Variants in SEMA5B observed in about 807,000 individuals in gnomAD.
SEMA5B encodes semaphorin 5B.
Under a neutral mutation model 135.0 loss-of-function variants are expected in SEMA5B, and 66 were observed. The observed-to-expected ratio is 0.49, with a 90% confidence interval of 0.40 to 0.60. The LOEUF is 0.60. Ranked by LOEUF, SEMA5B falls within the 20% of genes least tolerant of loss-of-function variation. The pLI, the probability that SEMA5B is intolerant of heterozygous loss-of-function variation, is 0.00. For missense variants in SEMA5B, 1,501 were observed against 1,566.3 expected (o/e 0.96, Z 0.70); for synonymous variants, 690 against 639.5 (o/e 1.08, Z -1.19).
intron 2 of SEMA5B, among the ~76,000 whole-genome samples, chr3:122,952,857 G>A (rs954687879): frequency 6.6e-6 from 1 of 152,162 alleles, no homozygotes; most frequent in Non-Finnish European, 1.5e-5. Flanking sequence ...ACAGACCAGA[G>A]CTCGTCTGCT....
intron 6 of SEMA5B, 95 bp downstream of exon 6, chr3:122,928,900 CA>C (rs1303046485): frequency 8.2e-5 from 103 of 1,258,402 alleles, no homozygotes; most frequent in Non-Finnish European, 1.1e-4. Flanking sequence ...GCCTCTCTAG[CA>C]GGGGACCTCA....
Position 122,961,230 on chromosome 3 carries a change from G to A in SEMA5B, c.34C>T (p.His12Tyr), listed in dbSNP as rs1940564052. Residue 12 changes from histidine to tyrosine, a missense_variant, in exon 2 of 23, where the codon CAC (histidine) becomes TAC (tyrosine). Coordinates refer to ENST00000357599, the MANE Select transcript of SEMA5B (RefSeq NM_001031702.4). ...PCGFSPSPVA[H>Y]HLVPGPPDTP... The stretch of plus-strand genomic sequence containing the variant: ...TCAGGCGGCCCAGGGACGAGGTGGT[G>A]GGCAACAGGAGACGGACTGAAGCCA... 1.2e-6 allele frequency: 2 copies of A among 1,614,046 alleles called. No homozygotes were observed. Among genetic ancestry groups the A allele is most frequent in the Admixed American group, 1.7e-5 (1 of 60,016 alleles).
intron 1 of SEMA5B, among the ~76,000 whole-genome samples, chr3:123,019,849 G>A (rs569381225): frequency 2.4e-4 from 37 of 152,196 alleles, no homozygotes; most frequent in Non-Finnish European, 5.0e-4. Context: ...TCCTATGAAG[G>A]GAGAGGCAGC....
intron 1 of SEMA5B, among the ~76,000 whole-genome samples, chr3:123,021,426 T>C (rs535579656): frequency 6.6e-6 from 1 of 152,342 alleles, no homozygotes; most frequent in East Asian, 1.9e-4. Context: ...CTGCCCCAGC[T>C]ACTCACTACA....
chr3:123,015,716 C>T (rs1448389142), intron 1 of SEMA5B, among the ~76,000 whole-genome samples: 1 of 152,198 alleles, frequency 6.6e-6, no homozygotes, highest in Non-Finnish European at 1.5e-5. Context: ...TCACCCAAAA[C>T]ATCAAATGGG....
At chr3:123,012,037 A>T (rs936338644) in intron 1 of SEMA5B, among the ~76,000 whole-genome samples, 4 of 152,174 alleles carry the variant, frequency 2.6e-5, no homozygotes, top group African/African-American at 9.7e-5. Context: ...AGGCCCAGTC[A>T]CGTGGAAAGA....
intron 1 of SEMA5B, among the ~76,000 whole-genome samples, chr3:123,021,399 G>A (rs1460851540): frequency 6.6e-6 from 1 of 152,194 alleles, no homozygotes. Flanking sequence ...ACAAAAGTTT[G>A]TATGAAATGA....
At position 122,912,018 on chromosome 3, in the gene SEMA5B, T is replaced by C; in HGVS notation, c.2948A>G (p.Gln983Arg). 1 of 1,613,828 alleles carries C rather than the reference T, an allele frequency of 6.2e-7. No homozygotes were observed. The highest frequency in any genetic ancestry group is 8.5e-7 in the Non-Finnish European group (1 of 1,179,832). Residue 983 changes from glutamine (Q) to arginine (R), a missense_variant, in exon 20 of 23, where the codon CAG becomes CGG. Physicochemically the swap from Gln to Arg is conservative, Grantham distance 43 (BLOSUM62 1). This residue lies in a region of SEMA5B where 927 missense variants were observed against 881.6 expected (regional missense o/e 1.05). Transcript: ENST00000357599. The part of the protein sequence containing the change: ...EWSKCTDDGA[Q>R]SRSRHCEELL... ...CTCCTCACAGTGCCGGCTTCGGCTC[T>C]GGGCTCCGTCGTCAGTGCACTTACT...
intron 1 of SEMA5B, among the ~76,000 whole-genome samples, chr3:122,961,901 A>G (rs539787412): frequency 6.6e-6 from 1 of 152,250 alleles, no homozygotes; most frequent in Admixed American, 6.5e-5. Context: ...GGGAGAATCC[A>G]CTTCTTCACC....
At chr3:122,954,803 T>C (rs1321895425) in intron 2 of SEMA5B, among the ~76,000 whole-genome samples, 1 of 150,740 alleles carries the variant, frequency 6.6e-6, no homozygotes, top group Non-Finnish European at 1.5e-5. Context: ...TTTTTTTTTT[T>C]TTTTTTTTGA....
intron 3 of SEMA5B, 76 bp downstream of exon 3, chr3:122,948,430 A>G (rs2288678): frequency 0.1 from 135,623 of 1,307,512 alleles, 7,736 homozygotes; most frequent in South Asian, 0.2. Context: ...AGCCAGAAAC[A>G]TCCTGCCAAG....
intron 8 of SEMA5B, 93 bp downstream of exon 8, chr3:122,927,697 G>T: frequency 3.2e-6 from 3 of 946,636 alleles, no homozygotes; most frequent in South Asian, 5.5e-5. Flanking sequence ...ACTTGCAGAG[G>T]TTGGCAGGAA....
intron 5 of SEMA5B, among the ~76,000 whole-genome samples, chr3:122,933,771 CAACAT>C (rs1278006697): frequency 6.6e-6 from 1 of 152,010 alleles, no homozygotes; most frequent in Non-Finnish European, 1.5e-5. Flanking sequence ...GGTTTTTCTT[CAACAT>C]TATTTTCTAA....
intron 9 of SEMA5B, 152 bp downstream of exon 9, chr3:122,926,240 T>C: frequency 1.2e-5 from 9 of 736,976 alleles, no homozygotes; most frequent in South Asian, 1.9e-5. Flanking sequence ...AACACGAGCT[T>C]ACCGCTCCAG....
At chr3:122,946,121 C>T (rs933369603) in intron 3 of SEMA5B, among the ~76,000 whole-genome samples, 8 of 152,306 alleles carry the variant, frequency 5.3e-5, no homozygotes, top group Middle Eastern at 6.8e-3. Context: ...CATGACACGC[C>T]TGTGATTTTA....
In SEMA5B at chr3:122,943,495, G is replaced by A; in HGVS notation, c.369C>T (p.Ala123=). 1 of 1,610,404 alleles carries A rather than the reference G, an allele frequency of 6.2e-7. No individual in the cohort carries two copies. The highest frequency in any genetic ancestry group is 1.1e-5 in the South Asian group (1 of 89,568). The change falls in exon 4 of 23, where the codon GCC becomes GCT. Residue 123 remains alanine, a synonymous_variant. Transcript: ENST00000357599. ...PWVSNFTYPG[A]RDFSQLALDP... The stretch of plus-strand genomic sequence containing the variant: ...CCAAAGCCAGCTGGGAGAAATCCCG[G>A]GCTCCAGGGTAGGTGAAGTTAGAGA...
chr3:122,944,125 T>C (rs2107533149), intron 3 of SEMA5B, among the ~76,000 whole-genome samples: 1 of 152,274 alleles, frequency 6.6e-6, no homozygotes, highest in South Asian at 2.1e-4. Context: ...GGCCCTTGGG[T>C]TCTGGTCCAC....
intron 1 of SEMA5B, among the ~76,000 whole-genome samples, chr3:123,002,364 G>T (rs1159204049): frequency 6.6e-6 from 1 of 152,226 alleles, no homozygotes; most frequent in African/African-American, 2.4e-5. Flanking sequence ...GACCTACTCA[G>T]TGTCCTGCTC....
At chr3:122,935,598 G>T (rs544824191) in intron 5 of SEMA5B, among the ~76,000 whole-genome samples, 3 of 151,576 alleles carry the variant, frequency 2.0e-5, no homozygotes, top group Non-Finnish European at 2.9e-5. Flanking sequence ...CCAATTCTGG[G>T]GCCCTTCTGA....
Sources: allele counts gnomAD v4.1 joint callset (sites outside exome capture counted in the v4.1 genomes callset), GRCh38; gene constraint gnomAD v4.1.1; regional missense constraint gnomAD v4.1.1; transcripts MANE v1.5; gene names NCBI Gene and HGNC (gene_info 2026-07-23, HGNC 2026-07-21).